The following MASP1 variants were observed in gnomAD, a reference collection of about 807,000 sequenced individuals.
MASP1 encodes MBL associated serine protease 1.
In MASP1, 59 loss-of-function variants were observed where a neutral mutation model predicts 77.1. The observed-to-expected ratio is 0.77, with a 90% CI of 0.62 to 0.95. The LOEUF (loss-of-function observed/expected upper bound fraction) is 0.95, where lower values mean the gene tolerates loss of function less well. MASP1 is among the 40% of genes least tolerant of loss of function. The pLI is 0.00. For missense variants in MASP1, 885 were observed against 912.9 expected, an observed-to-expected ratio of 0.97 and a Z score of 0.39; for synonymous variants, 362 against 354.5, an observed-to-expected ratio of 1.02 and a Z score of -0.24.
At chr3:187,250,724 C>G (rs1714502280) in intron 7 of MASP1, among the ~76,000 whole-genome samples, 1 of 152,154 alleles carries the variant, frequency 6.6e-6, no homozygotes, top group South Asian at 2.1e-4. Flanking sequence ...CCTACCCAAG[C>G]ATTTGCATTT....
chr3:187,220,008 C>T (rs956232569), exon 16 of MASP1: 31 of 1,562,638 alleles, frequency 2.0e-5, no homozygotes, highest in African/African-American at 1.4e-4. Context: ...CTGCTTTCAT[C>T]GGAGGATCGT....
At chr3:187,256,522 AT>A (rs1715088611) in intron 5 of MASP1, 141 bp downstream of exon 5, 1 of 786,184 alleles carries the variant, frequency 1.3e-6, no homozygotes, top group Admixed American at 2.0e-5. Context: ...GGTAGATATT[AT>A]TTTAAATAAT....
At chr3:187,225,542 G>A in intron 12 of MASP1, 1 of 1,608,298 alleles carries the variant, frequency 6.2e-7, no homozygotes, top group East Asian at 2.2e-5. Context: ...AGGCATGGGT[G>A]CAATGGAGGA....
chr3:187,225,691 G>A (rs2108502832), intron 12 of MASP1, among the ~76,000 whole-genome samples: 1 of 152,230 alleles, frequency 6.6e-6, no homozygotes, highest in South Asian at 2.1e-4. Context: ...AATCTCATGG[G>A]TCCCCACCTC....
Position 187,234,465 on chromosome 3 carries a change from C to G in MASP1, c.*1219G>C. ...CCTGTTGCTGACGGAGAACCAGAGA[C>G]TCAGACAAAGAAAATGATTTTTCAA... On this transcript the variant is annotated 3_prime_UTR_variant, in exon 11 of 11. Coordinates refer to ENST00000296280, the MANE Select transcript of MASP1 (RefSeq NM_139125.4). 1.6e-6 allele frequency: 2 copies of G among 1,285,954 alleles called. No homozygotes were observed. The highest frequency in any genetic ancestry group is 2.0e-6 in the Non-Finnish European group (2 of 987,520). 79.7% of individuals were successfully genotyped at this position (1,285,954 alleles called of 1,614,324 possible). A position where few individuals can be genotyped will look rare whatever the true frequency, so the allele number is the denominator to read the frequency against.
At chr3:187,279,788 C>T (rs1356408297) in intron 2 of MASP1, among the ~76,000 whole-genome samples, 2 of 152,200 alleles carry the variant, frequency 1.3e-5, no homozygotes, top group East Asian at 1.9e-4. Flanking sequence ...TAATCTCAAA[C>T]ATCAACTATT....
At position 187,234,977 on chromosome 3, in the gene MASP1, C is replaced by G; in HGVS notation, c.*707G>C. The stretch of plus-strand genomic sequence containing the variant: ...GAATTTAAGGGCTTGGTGGGCCTCC[C>G]ACGGCTATTCTGCTCCCAGCAGTCA... On this transcript the variant is annotated 3_prime_UTR_variant, in exon 11 of 11. Coordinates refer to ENST00000296280, the MANE Select transcript of MASP1 (RefSeq NM_139125.4). 1 of 1,287,236 alleles carries G rather than the reference C, an allele frequency of 7.8e-7. No homozygotes were observed. The highest frequency in any genetic ancestry group is 1.5e-5 in the African/African-American group (1 of 65,922). The allele number at this position is 1,287,236 out of a possible 1,614,324, so 79.7% of individuals were successfully genotyped here.
intron 2 of MASP1, among the ~76,000 whole-genome samples, chr3:187,270,010 T>C (rs934291300): frequency 6.6e-6 from 1 of 152,370 alleles, no homozygotes; most frequent in Non-Finnish European, 1.5e-5. Flanking sequence ...AAGAATTATT[T>C]TGTCCCTAAG....
At chr3:187,272,529 G>A (rs1487757675) in intron 2 of MASP1, among the ~76,000 whole-genome samples, 1 of 152,174 alleles carries the variant, frequency 6.6e-6, no homozygotes, top group East Asian at 1.9e-4. Flanking sequence ...CAAAGGGTTA[G>A]AGTGGACCCT....
chr3:187,255,424 T>A (rs1340556925), intron 5 of MASP1, among the ~76,000 whole-genome samples: 1 of 152,198 alleles, frequency 6.6e-6, no homozygotes, highest in Non-Finnish European at 1.5e-5. Context: ...AGCCTCTAGA[T>A]AAGAGCTCCA....
At chr3:187,226,321 G>A (rs576679353) in intron 12 of MASP1, 1 of 981,244 alleles carries the variant, frequency 1.0e-6, no homozygotes, top group Admixed American at 2.0e-5. Flanking sequence ...GCGAGTGAGT[G>A]AGCAGACACG....
chr3:187,251,560 C>G (rs1456826863), intron 7 of MASP1, 74 bp downstream of exon 7: 27 of 1,215,786 alleles, frequency 2.2e-5, no homozygotes, highest in Non-Finnish European at 2.8e-5. Flanking sequence ...GGCAGCCCAT[C>G]TGCCCTGGGG....
intron 1 of MASP1, among the ~76,000 whole-genome samples, chr3:187,290,779 T>C (rs1718255970): frequency 1.3e-5 from 2 of 151,270 alleles, no homozygotes; most frequent in African/African-American, 4.9e-5. Flanking sequence ...ATTGTGTGTG[T>C]GTGTGTGTGT....
intron 9 of MASP1, chr3:187,242,518 A>AAAAC (rs1491167682): frequency 6.6e-6 from 1 of 152,582 alleles, no homozygotes; most frequent in Non-Finnish European, 1.5e-5. Flanking sequence ...TCTCAAAAAC[A>AAAAC]AAAACAAAAA....
intron 2 of MASP1, among the ~76,000 whole-genome samples, chr3:187,283,038 C>T (rs2108606149): frequency 6.6e-6 from 1 of 152,280 alleles, no homozygotes; most frequent in East Asian, 1.9e-4. Flanking sequence ...ATATTCTTCT[C>T]CACTCCATGT....
chr3:187,240,076 T>C (rs1713500851), intron 10 of MASP1, among the ~76,000 whole-genome samples: 1 of 151,936 alleles, frequency 6.6e-6, no homozygotes. Context: ...TGCCACCGTG[T>C]AAGATGTGCC....
chr3:187,264,804 A>G (rs1350528714), intron 2 of MASP1, among the ~76,000 whole-genome samples: 1 of 152,232 alleles, frequency 6.6e-6, no homozygotes, highest in East Asian at 1.9e-4. Flanking sequence ...AACTTAATAA[A>G]AAAAAGCTAA....
intron 12 of MASP1, among the ~76,000 whole-genome samples, chr3:187,225,984 G>A (rs947591253): frequency 1.3e-5 from 2 of 152,152 alleles, no homozygotes; most frequent in Admixed American, 1.3e-4. Flanking sequence ...GCAGAAACTA[G>A]GTCTTAATCA....
At chr3:187,224,352 T>TTG (rs1553850588) in intron 13 of MASP1, among the ~76,000 whole-genome samples, 3 of 147,686 alleles carry the variant, frequency 2.0e-5, no homozygotes, top group African/African-American at 7.5e-5. Flanking sequence ...TTTTTTTTTT[T>TTG]TTTTTTTTTT....
Sources: allele counts gnomAD v4.1 joint callset (sites outside exome capture counted in the v4.1 genomes callset), GRCh38; gene constraint gnomAD v4.1.1; transcripts MANE v1.5; gene names NCBI Gene and HGNC (gene_info 2026-07-23, HGNC 2026-07-21).